Variants in UCHL1 observed in about 807,000 individuals in gnomAD.
UCHL1 encodes the protein ubiquitin C-terminal hydrolase L1, also known as ubiquitin carboxyl-terminal hydrolase isozyme L1.
A neutral mutation model predicts 33.3 loss-of-function variants in UCHL1; 5 were observed. The observed-to-expected ratio is 0.15, with a 90% CI of 0.08 to 0.32. The LOEUF is 0.32. Ranked by LOEUF, UCHL1 falls within the 10% of genes least tolerant of loss-of-function variation. UCHL1 has a pLI of 1.00. For synonymous variants in UCHL1, 132 were observed against 108.8 expected, an observed-to-expected ratio of 1.21 and a Z score of -1.33; for missense variants, 236 against 280.0, an observed-to-expected ratio of 0.84 and a Z score of 1.12.
chr4:41,257,349 G>T, intron 2 of UCHL1: 2 of 940,866 alleles, frequency 2.1e-6, no homozygotes, highest in Non-Finnish European at 3.0e-6. Context: ...CCCGTGGCGA[G>T]CGAGCGCCAG....
At chr4:41,259,504 A>G (rs1781037379) in intron 3 of UCHL1, among the ~76,000 whole-genome samples, 1 of 152,236 alleles carries the variant, frequency 6.6e-6, no homozygotes, top group African/African-American at 2.4e-5. Flanking sequence ...AAGTTCTGCT[A>G]GTTGGAGTTT....
chr4:41,268,292 A>G lies in UCHL1; in HGVS notation c.*219A>G, dbSNP rs1781186434. Reference sequence around the variant, plus strand: ...TGGTGTGAGCTTCAGATGGTGAAGCATTCTCCCCAGTGTATGTCTTGTATC... The same window carrying G: ...TGGTGTGAGCTTCAGATGGTGAAGCGTTCTCCCCAGTGTATGTCTTGTATC... On this transcript the variant is annotated 3_prime_UTR_variant, in exon 9 of 9. Coordinates refer to ENST00000284440, the MANE Select transcript of UCHL1 (RefSeq NM_004181.5). The G allele has an allele frequency of 3.3e-6, 2 of 605,256 alleles. No individual in the cohort carries two copies. Among genetic ancestry groups the G allele is most frequent in the Middle Eastern group, 4.4e-4 (1 of 2,252 alleles). 37.5% of individuals were successfully genotyped at this position (605,256 alleles called of 1,614,324 possible). A position where few individuals can be genotyped will look rare whatever the true frequency, so the allele number is the denominator to read the frequency against.
At chr4:41,257,185 GC>G (rs1780989552) in intron 2 of UCHL1, 59 bp downstream of exon 2, 4 of 1,610,320 alleles carry the variant, frequency 2.5e-6, no homozygotes, top group Admixed American at 3.3e-5. Context: ...AGGCGGGGGC[GC>G]CCACCGGTTC....
intron 2 of UCHL1, 55 bp from the exon 3 acceptor site, chr4:41,257,554 G>T (rs1323157630): frequency 6.9e-7 from 1 of 1,448,060 alleles, no homozygotes; most frequent in Non-Finnish European, 9.0e-7. Context: ...CCCCTGGCAG[G>T]TGCCCGCGAC....
intron 3 of UCHL1, among the ~76,000 whole-genome samples, chr4:41,258,502 AT>A (rs386399901): frequency 1.5e-4 from 23 of 148,492 alleles, no homozygotes; most frequent in African/African-American, 2.0e-4. Flanking sequence ...ACAGCGTCAG[AT>A]TTTTTTTTTT....
chr4:41,265,143 G>A (rs534549567), intron 8 of UCHL1, among the ~76,000 whole-genome samples: 219 of 152,274 alleles, frequency 1.4e-3, no homozygotes, highest in Middle Eastern at 6.8e-3. Flanking sequence ...CTCTTCTTAG[G>A]TGCTGTTCTA....
rs116680633 is a variant in UCHL1, at chr4:41,264,134, C to T, written c.558C>T (p.Gly186=). The T allele has an allele frequency of 9.3e-4, 1,497 of 1,614,170 alleles. 12 individuals are homozygous for T. The African/African-American group carries it at 0.017, about 18-fold the overall frequency. Residue 186 remains glycine, a synonymous_variant, in exon 8 of 9, where the codon GGC becomes GGT. Transcript: ENST00000284440. Reference sequence around the variant, plus strand: ...GAATGCCTTTTCCGGTGAACCATGGCGCCAGTTCAGAGGACACCCTGCTGA... The same window carrying T: ...GAATGCCTTTTCCGGTGAACCATGGTGCCAGTTCAGAGGACACCCTGCTGA... ...DGRMPFPVNH[G]ASSEDTLLKD...
intron 3 of UCHL1, among the ~76,000 whole-genome samples, chr4:41,258,726 T>C (rs1363080775): frequency 6.6e-6 from 1 of 152,170 alleles, no homozygotes. Flanking sequence ...GTAGCCAAAA[T>C]CAAGAGTATG....
At chr4:41,265,118 G>A (rs1781130792) in intron 8 of UCHL1, among the ~76,000 whole-genome samples, 1 of 152,186 alleles carries the variant, frequency 6.6e-6, no homozygotes, top group African/African-American at 2.4e-5. Context: ...CCCACATGCT[G>A]CAGTTTACTG....
At chr4:41,259,208 T>C (rs3775260) in intron 3 of UCHL1, among the ~76,000 whole-genome samples, 15,305 of 152,196 alleles carry the variant, frequency 0.1, 869 homozygotes, top group East Asian at 0.16. Flanking sequence ...CTGAAGCCGA[T>C]TGAAAGAAAA....
chr4:41,266,187 G>T (rs575025012), intron 8 of UCHL1, among the ~76,000 whole-genome samples: 6 of 149,272 alleles, frequency 4.0e-5, no homozygotes, highest in Non-Finnish European at 3.0e-5. Flanking sequence ...TTCCCAGAGT[G>T]CTGGGATTAT....
At chr4:41,258,928 T>C (rs1411901819) in intron 3 of UCHL1, among the ~76,000 whole-genome samples, 2 of 152,206 alleles carry the variant, frequency 1.3e-5, no homozygotes, top group Non-Finnish European at 2.9e-5. Flanking sequence ...CTGTCTCCAG[T>C]TGAGCATCAC....
rs1163916993 is a variant in UCHL1 at position 41,268,375 on chromosome 4, A to C, written c.*302A>C. 3 of 432,774 alleles carry C rather than the reference A, an allele frequency of 6.9e-6. No homozygotes were observed. The highest frequency in any genetic ancestry group is 1.3e-5 in the Non-Finnish European group (3 of 239,740). The allele number at this position is 432,774 out of a possible 1,614,324, so 26.8% of individuals were successfully genotyped here. On this transcript the variant is annotated 3_prime_UTR_variant, in exon 9 of 9. Transcript: ENST00000284440. ...TTCTGTCTGTAAGTTAAGACCTTGG[A>C]TGTGGTTTAATTGTTTGTCCTCAAA...
Position 41,268,328 on chromosome 4 carries a change from C to T in UCHL1, c.*255C>T, listed in dbSNP as rs1207680947. 4.8e-5 allele frequency: 26 copies of T among 542,674 alleles called. No homozygotes were observed. Among genetic ancestry groups the T allele is most frequent in the African/African-American group, 2.1e-4 (11 of 52,874 alleles). The allele number at this position is 542,674 out of a possible 1,614,324, so 33.6% of individuals were successfully genotyped here. A position where few individuals can be genotyped will look rare whatever the true frequency, so the allele number is the denominator to read the frequency against. ...TGTATGTCTTGTATCCGATATCTAA[C>T]GCTTTAAATGGCTACTTTGGTTTCT... On this transcript the variant is annotated 3_prime_UTR_variant, in exon 9 of 9. Transcript: ENST00000284440.
At chr4:41,257,463 C>CG in intron 2 of UCHL1, 146 bp from the exon 3 acceptor site, 1 of 1,145,978 alleles carries the variant, frequency 8.7e-7, no homozygotes, top group Non-Finnish European at 1.1e-6. Flanking sequence ...TGCGCCGGCC[C>CG]GGGTGGGGGT....
chr4:41,262,036 A>C, intron 6 of UCHL1, 113 bp downstream of exon 6: 1 of 1,432,630 alleles, frequency 7.0e-7, no homozygotes. Flanking sequence ...CCCAAGGCCA[A>C]ATGACACCAG....
At chr4:41,262,973 T>G (rs542914764) in intron 6 of UCHL1, among the ~76,000 whole-genome samples, 13 of 136,348 alleles carry the variant, frequency 9.5e-5, no homozygotes, top group African/African-American at 3.2e-4. Flanking sequence ...GTTGAGATAG[T>G]TAGCCTCTCT....
intron 6 of UCHL1, among the ~76,000 whole-genome samples, chr4:41,262,396 A>C (rs756875440): frequency 2.4e-4 from 36 of 152,164 alleles, no homozygotes; most frequent in Non-Finnish European, 4.3e-4. Flanking sequence ...CAGTGAGCTG[A>C]GACCATGTCG....
intron 8 of UCHL1, among the ~76,000 whole-genome samples, chr4:41,267,548 G>A (rs926848050): frequency 2.6e-5 from 4 of 152,114 alleles, no homozygotes; most frequent in Non-Finnish European, 5.9e-5. Context: ...GCCCGGCCAC[G>A]TTAAGGCTGT....
Sources: allele counts gnomAD v4.1 joint callset (sites outside exome capture counted in the v4.1 genomes callset), GRCh38; gene constraint gnomAD v4.1.1; transcripts MANE v1.5; gene names NCBI Gene and HGNC (gene_info 2026-07-23, HGNC 2026-07-21).